The following USP9X variants were observed in gnomAD, a reference collection of about 807,000 sequenced individuals.
USP9X encodes the protein ubiquitin specific peptidase 9 X-linked, also known as ubiquitin carboxyl-terminal hydrolase 9X.
Under a neutral mutation model 190.3 loss-of-function variants are expected in USP9X, and 7 were observed. The observed-to-expected ratio is 0.04, with a 90% CI of 0.02 to 0.07. The LOEUF (loss-of-function observed/expected upper bound fraction) is 0.07, where lower values mean the gene tolerates loss of function less well. Among genes scored for constraint, USP9X ranks in the 10% least tolerant of loss-of-function variants. USP9X has a pLI of 1.00. For synonymous variants in USP9X, 645 were observed against 659.5 expected (o/e 0.98, Z 0.34); for missense variants, 1,010 against 1,916.9 (o/e 0.53, Z 8.83).
chrX:41,120,804 T>C, intron 1 of USP9X, among the ~76,000 whole-genome samples: 1 of 106,711 alleles, frequency 9.4e-6, no homozygotes, highest in Middle Eastern at 5.1e-3. Context: ...AGCCAACATA[T>C]CTTAACAAAT....
intron 24 of USP9X, among the ~76,000 whole-genome samples, chrX:41,186,966 A>G (rs1393076408): frequency 1.8e-5 from 2 of 108,935 alleles, no homozygotes; most frequent in Non-Finnish European, 3.8e-5. Flanking sequence ...AGCTGGGATT[A>G]CAGGTGCCAC....
intron 14 of USP9X, among the ~76,000 whole-genome samples, chrX:41,158,012 G>A (rs895255287): frequency 9.0e-6 from 1 of 111,575 alleles, no homozygotes; most frequent in Non-Finnish European, 1.9e-5. Flanking sequence ...ATTCATAAGA[G>A]GGGCTAAACA....
intron 21 of USP9X, among the ~76,000 whole-genome samples, chrX:41,177,939 G>A: frequency 9.2e-6 from 1 of 108,664 alleles, no homozygotes; most frequent in East Asian, 2.9e-4. Context: ...TTTTTTTAAG[G>A]TACTTTATTG....
At chrX:41,219,296 G>A in intron 38 of USP9X, 65 bp downstream of exon 38, 2 of 1,063,332 alleles carry the variant, frequency 1.9e-6, no homozygotes, top group Non-Finnish European at 1.3e-6. Flanking sequence ...AGTCATTTAG[G>A]TCAAGTGATG....
In USP9X at chrX:41,216,111, A is replaced by G. The variant is rs1204694190; in HGVS notation, c.5544A>G (p.Gln1848=). The change falls in exon 35 of 45, where the codon CAA becomes CAG. Residue 1848 remains glutamine, a synonymous_variant. Transcript: ENST00000378308. Reference sequence around the variant, plus strand: ...TAAACCCAGAGAGTCAGTTGATACAACAGAGTGAGCAGTCTGAAAGTGAGA... The same window carrying G: ...TAAACCCAGAGAGTCAGTTGATACAGCAGAGTGAGCAGTCTGAAAGTGAGA... ...DNVNPESQLI[Q]QSEQSESETA... is the part of the protein sequence containing the mutation. The G allele has an allele frequency of 5.0e-6, 6 of 1,209,994 alleles. No individual in the cohort carries two copies. Among genetic ancestry groups the G allele is most frequent in the South Asian group, 3.5e-5 (2 of 56,843 alleles).
At chrX:41,174,362 C>G (rs140196497) in intron 21 of USP9X, among the ~76,000 whole-genome samples, 2,318 of 111,441 alleles carry the variant, frequency 0.021, 59 homozygotes, top group African/African-American at 0.07. Flanking sequence ...CCCCCACCCC[C>G]CATGGATACC....
intron 32 of USP9X, among the ~76,000 whole-genome samples, chrX:41,209,239 C>A (rs953385714): frequency 3.6e-5 from 4 of 111,866 alleles, no homozygotes; most frequent in Non-Finnish European, 7.5e-5. Flanking sequence ...CAATCTGATA[C>A]TCATGAAGGA....
intron 4 of USP9X, among the ~76,000 whole-genome samples, chrX:41,133,079 A>G (rs1335506194): frequency 2.7e-5 from 3 of 112,075 alleles, no homozygotes; most frequent in Non-Finnish European, 3.8e-5. Flanking sequence ...AGGCACTATC[A>G]CAATTGAAAC....
At chrX:41,114,322 T>C (rs2062131320) in intron 1 of USP9X, among the ~76,000 whole-genome samples, 1 of 111,862 alleles carries the variant, frequency 8.9e-6, no homozygotes, top group Non-Finnish European at 1.9e-5. Flanking sequence ...TTGAATTGCT[T>C]GATAGGTACC....
chrX:41,220,985 C>T (rs759315810), intron 38 of USP9X, among the ~76,000 whole-genome samples: 1 of 98,370 alleles, frequency 1.0e-5, no homozygotes, highest in East Asian at 3.2e-4. Context: ...GCTTTTGGGC[C>T]AGGCGCGGTG....
intron 2 of USP9X, among the ~76,000 whole-genome samples, chrX:41,125,729 C>T (rs1168077197): frequency 4.7e-5 from 5 of 106,115 alleles, no homozygotes; most frequent in Admixed American, 9.9e-5. Context: ...CGCGCACGCG[C>T]GCGCGCTCTC....
chrX:41,188,248 A>G, intron 25 of USP9X, 131 bp downstream of exon 25: 1 of 688,551 alleles, frequency 1.5e-6, no homozygotes, highest in Non-Finnish European at 2.1e-6. Flanking sequence ...AAATTAATTG[A>G]TAGCTATGTT....
intron 1 of USP9X, among the ~76,000 whole-genome samples, chrX:41,122,158 C>T (rs1349901491): frequency 4.5e-5 from 5 of 110,389 alleles, no homozygotes; most frequent in Non-Finnish European, 3.8e-5. Context: ...GAAATTTGTT[C>T]TCTCACAATT....
At position 41,134,725 on chromosome X, in the gene USP9X, G is replaced by C; in HGVS notation, c.323G>C (p.Gly108Ala). The C allele has an allele frequency of 8.3e-7, 1 of 1,201,105 alleles. No homozygotes were observed. Residue 108 changes from glycine (G) to alanine (A), a missense_variant and splice_region_variant, in exon 5 of 45, where the codon GGC (glycine) becomes GCC (alanine). Gly to Ala is a moderately conservative substitution (Grantham distance 60). Coordinates refer to ENST00000378308, the MANE Select transcript of USP9X (RefSeq NM_001039591.3). ...LEAAIDLSKKGLDVKSEACQR... is the reference protein window; with the variant it reads ...LEAAIDLSKKALDVKSEACQR... ...ATTAATTTTTCTCCCTTTTTCTTAG[G>C]CCTTGATGTTAAAAGTGAAGCATGT...
intron 13 of USP9X, among the ~76,000 whole-genome samples, chrX:41,152,130 CT>C (rs1434675784): frequency 2.7e-5 from 3 of 112,117 alleles, no homozygotes; most frequent in Non-Finnish European, 5.6e-5. Context: ...AACAGTTGAA[CT>C]TTGTCTCACT....
chrX:41,088,889 C>T, intron 1 of USP9X, among the ~76,000 whole-genome samples: 1 of 110,975 alleles, frequency 9.0e-6, no homozygotes, highest in South Asian at 3.7e-4. Context: ...TAGAGTTTAA[C>T]GTTAATATTT....
In USP9X at chrX:41,184,041, T is replaced by C. The variant is rs1864946882; in HGVS notation, c.3192T>C (p.His1064=). The C allele has an allele frequency of 8.3e-7, 1 of 1,210,471 alleles. No homozygotes were observed. Among genetic ancestry groups the C allele is most frequent in the Non-Finnish European group, 1.1e-6 (1 of 894,930 alleles). ...IEKLRAICLD[H]AKLGESSLSP... is the part of the protein sequence containing the mutation. ...AATTAAGAGCTATTTGTTTAGACCA[T>C]GCCAAACTTGGAGAAAGCAGCCTTA... The change falls in exon 22 of 45, where the codon CAT becomes CAC. Residue 1064 remains histidine, a synonymous_variant. Transcript: ENST00000378308.
chrX:41,187,154 T>C, intron 24 of USP9X, among the ~76,000 whole-genome samples: 1 of 112,399 alleles, frequency 8.9e-6, no homozygotes, highest in Admixed American at 9.4e-5. Flanking sequence ...AATTTTGACA[T>C]ATATGTGTGA....
chrX:41,206,752 T>TTTA (rs1192046973), intron 32 of USP9X, among the ~76,000 whole-genome samples: 6 of 109,826 alleles, frequency 5.5e-5, no homozygotes, highest in South Asian at 3.8e-4. Context: ...ACAGCAATTT[T>TTTA]TTATTATTAT....
Sources: allele counts gnomAD v4.1 joint callset (sites outside exome capture counted in the v4.1 genomes callset), GRCh38; gene constraint gnomAD v4.1.1; transcripts MANE v1.5; gene names NCBI Gene and HGNC (gene_info 2026-07-23, HGNC 2026-07-21).